LARP7: variants seen among roughly 807,000 people sequenced by gnomAD.
LARP7 encodes the protein La ribonucleoprotein 7, transcriptional regulator.
A neutral mutation model predicts 69.3 loss-of-function variants in LARP7; 52 were observed. The observed-to-expected ratio is 0.75, with a 90% confidence interval of 0.60 to 0.95. The LOEUF (loss-of-function observed/expected upper bound fraction) is 0.95, where lower values mean the gene tolerates loss of function less well. LARP7 is among the 40% of genes least tolerant of loss of function. LARP7 has a pLI of 0.00. For missense variants in LARP7, 733 were observed against 673.0 expected (o/e 1.09, Z -0.99); for synonymous variants, 254 against 215.9 (o/e 1.18, Z -1.55).
In LARP7 at chr4:112,646,388, G is replaced by T; in HGVS notation, c.240G>T (p.Met80Ile). The change falls in exon 3 of 13, where the codon ATG (methionine) becomes ATT (isoleucine). Residue 80 changes from methionine (M) to isoleucine (I), a missense_variant. Met to Ile is a conservative substitution (Grantham distance 10). Coordinates refer to ENST00000344442, the MANE Select transcript of LARP7 (RefSeq NM_016648.4). ...CACTACTTGTGTCTTTTAACAAAAT[G>T]AAAAAATTGACTACTGATGGGAAGT... Reference protein sequence around the residue: ...DISLLVSFNKMKKLTTDGKLI... With the variant: ...DISLLVSFNKIKKLTTDGKLI... 6.3e-7 allele frequency: 1 copy of T among 1,599,082 alleles called. No homozygotes were observed. The highest frequency in any genetic ancestry group is 1.1e-5 in the South Asian group (1 of 90,132).
At chr4:112,639,615 A>G (rs1039318505) in intron 1 of LARP7, among the ~76,000 whole-genome samples, 1 of 152,030 alleles carries the variant, frequency 6.6e-6, no homozygotes, top group Admixed American at 6.6e-5. Context: ...CTAATGTTGC[A>G]AGTTTTGACA....
chr4:112,641,858 T>C (rs1578556389), intron 1 of LARP7, among the ~76,000 whole-genome samples: 1 of 152,060 alleles, frequency 6.6e-6, no homozygotes, highest in Non-Finnish European at 1.5e-5. Context: ...AATATTGGAA[T>C]GGGGAGCTAA....
At chr4:112,644,942 A>ACTC in intron 2 of LARP7, 71 bp downstream of exon 2, 1 of 235,638 alleles carries the variant, frequency 4.2e-6, no homozygotes, top group Non-Finnish European at 6.5e-6. Flanking sequence ...AAAATAATAT[A>ACTC]TTCTTTTTTT....
intron 8 of LARP7, chr4:112,648,136 TAA>T (rs766226829): frequency 5.7e-6 from 3 of 528,088 alleles, no homozygotes; most frequent in African/African-American, 3.9e-5. Flanking sequence ...GTCAATACAA[TAA>T]AGTTATTTTC....
rs192149500 is a variant in LARP7 at position 112,643,699 on chromosome 4, T to G, written c.-2-969T>G. ...TCTGTCTCTACTAAAAATACAAAAATTAGCCGGGTGTGATTGGCAGTGGTG... is the reference window on the plus strand; with the variant it reads ...TCTGTCTCTACTAAAAATACAAAAAGTAGCCGGGTGTGATTGGCAGTGGTG... On this transcript the variant is annotated intron_variant, in intron 1 of 12. Transcript: ENST00000344442. Among the ~76,000 whole-genome samples the G allele has an allele frequency of 1.4e-4, 22 of 152,036 alleles. No homozygotes were observed. In the East Asian group the frequency reaches 4.1e-3, roughly 28 times the overall value.
chr4:112,644,285 G>A (rs1226141363), intron 1 of LARP7: 1 of 275,104 alleles, frequency 3.6e-6, no homozygotes, highest in East Asian at 5.9e-5. Context: ...GGGGTGGGGC[G>A]GGGGCGGGGG....
At chr4:112,649,372 C>G (rs2048591854) in intron 8 of LARP7, among the ~76,000 whole-genome samples, 163 bp from the exon 9 acceptor site, 1 of 152,042 alleles carries the variant, frequency 6.6e-6, no homozygotes, top group Non-Finnish European at 1.5e-5. Context: ...GCTTATTTTG[C>G]TAAATGTCTT....
At chr4:112,638,625 C>T (rs1194613804) in intron 1 of LARP7, among the ~76,000 whole-genome samples, 1 of 152,178 alleles carries the variant, frequency 6.6e-6, no homozygotes, top group Non-Finnish European at 1.5e-5. Flanking sequence ...CAGTCAAGCA[C>T]CACATACCGA....
At position 112,646,971 on chromosome 4, in the gene LARP7, A is replaced by G; in HGVS notation, c.552+16A>G. The G allele has an allele frequency of 7.9e-6, 2 of 254,322 alleles. No homozygotes were observed. The highest frequency in any genetic ancestry group is 1.4e-5 in the Non-Finnish European group (2 of 139,486). The allele number at this position is 254,322 out of a possible 1,614,324, so 15.8% of individuals were successfully genotyped here. ...AGCAATTGAGGTAAGTCCAGATCCT[A>G]AAAAAAAAAAAAGAAAGAAAAGAAA... On this transcript the variant is annotated intron_variant, in intron 5 of 12. Transcript: ENST00000344442.
At chr4:112,655,181 G>A (rs1031288659) in intron 12 of LARP7, among the ~76,000 whole-genome samples, 11 of 152,096 alleles carry the variant, frequency 7.2e-5, no homozygotes, top group African/African-American at 2.4e-4. Flanking sequence ...AGGGATATGA[G>A]GTGTTAATTT....
chr4:112,656,289 T>C (rs2048952058), intron 12 of LARP7, among the ~76,000 whole-genome samples: 1 of 152,006 alleles, frequency 6.6e-6, no homozygotes, highest in Non-Finnish European at 1.5e-5. Context: ...TCCCAGCTAC[T>C]GGGGAGGCTG....
At chr4:112,647,588 T>C (rs1429784801) in intron 7 of LARP7, 39 bp downstream of exon 7, 4 of 1,441,902 alleles carry the variant, frequency 2.8e-6, no homozygotes, top group Admixed American at 2.5e-5. Flanking sequence ...AACTAATTAA[T>C]TTTAATTAAT....
intron 1 of LARP7, among the ~76,000 whole-genome samples, chr4:112,644,093 T>G (rs981190602): frequency 1.3e-5 from 2 of 151,168 alleles, no homozygotes. Context: ...AATACAAAAA[T>G]TAGCCGGGCA....
chr4:112,641,127 G>A (rs1013913949), intron 1 of LARP7, among the ~76,000 whole-genome samples: 3 of 152,114 alleles, frequency 2.0e-5, no homozygotes, highest in Non-Finnish European at 4.4e-5. Context: ...TGAGCTGGGC[G>A]CGGTGGCTCA....
At position 112,657,266 on chromosome 4, in the gene LARP7, A is replaced by C; in HGVS notation, c.1688A>C (p.Lys563Thr). Residue 563 changes from lysine (K) to threonine (T), a missense_variant, in exon 13 of 13, where the codon AAG (lysine) becomes ACG (threonine). Coordinates refer to ENST00000344442, the MANE Select transcript of LARP7 (RefSeq NM_016648.4). ...GTEKLITKAE[K>T]IRLAKTQQAS... ...CTTTAGTTAATCACCAAAGCTGAAAAGATTAGACTGGCAAAGACTCAACAA... is the reference window on the plus strand; with the variant it reads ...CTTTAGTTAATCACCAAAGCTGAAACGATTAGACTGGCAAAGACTCAACAA... 4 of 1,589,068 alleles carry C rather than the reference A, an allele frequency of 2.5e-6. No individual in the cohort carries two copies. The highest frequency in any genetic ancestry group is 3.4e-6 in the Non-Finnish European group (4 of 1,167,386).
rs761860253 is a variant in LARP7 at position 112,647,822 on chromosome 4, GAGTGCTATCAA to G, written c.1134_1142+2del. 1 of 1,588,826 alleles carries G rather than the reference GAGTGCTATCAA, an allele frequency of 6.3e-7. No homozygotes were observed. The highest frequency in any genetic ancestry group is 8.6e-7 in the Non-Finnish European group (1 of 1,161,416). ...ATGGGAGAAGAAGTTATACCATTAAGAGTGCTATCAAAGTAAGTCTGTGGTTTAAATTCTGT... is the reference window on the plus strand; with the variant it reads ...ATGGGAGAAGAAGTTATACCATTAAGAGTAAGTCTGTGGTTTAAATTCTGT... On this transcript the variant is annotated frameshift_variant and splice_region_variant, in exon 8 of 13. Coordinates refer to ENST00000344442, the MANE Select transcript of LARP7 (RefSeq NM_016648.4). LOFTEE classifies it high-confidence loss of function.
chr4:112,655,441 A>G (rs888929721), intron 12 of LARP7: 12 of 152,194 alleles, frequency 7.9e-5, no homozygotes, highest in African/African-American at 2.4e-4. Context: ...CGTTAACGCA[A>G]TTTGTTAAGT....
In LARP7 at chr4:112,645,836, A is replaced by G. The variant is rs1395652455; in HGVS notation, c.203-515A>G. ...CCCAGTTGCTAAATTTCAAATAGCC[A>G]ACCTTGTGCTTGTTTCTAATAGGAT... is the stretch of plus-strand genomic sequence containing the variant. On this transcript the variant is annotated intron_variant, in intron 2 of 12. Coordinates refer to ENST00000344442, the MANE Select transcript of LARP7 (RefSeq NM_016648.4). 6.6e-5 allele frequency among the ~76,000 whole-genome samples: 10 copies of G among 152,194 alleles called. No individual in the cohort carries two copies. In the East Asian group the frequency reaches 1.9e-3, roughly 29 times the overall value.
intron 2 of LARP7, 74 bp downstream of exon 2, chr4:112,644,945 C>CT (rs58234206): frequency 0.23 from 38,862 of 166,052 alleles, 4,293 homozygotes; most frequent in South Asian, 0.3. Context: ...ATAATATATT[C>CT]TTTTTTTTTT....
Sources: gnomAD v4.1 joint callset for allele counts (sites outside exome capture counted in the v4.1 genomes callset) on GRCh38, gnomAD v4.1.1 for gene constraint, MANE v1.5 for transcripts, NCBI Gene and HGNC (gene_info 2026-07-23, HGNC 2026-07-21) for gene names.